The following GABBR2 variants were observed in gnomAD, a reference collection of about 807,000 sequenced individuals.
GABBR2 encodes gamma-aminobutyric acid type B receptor subunit 2, also known as G-protein coupled receptor 51.
In GABBR2, 23 loss-of-function variants were observed where a neutral mutation model predicts 105.6. The observed-to-expected ratio is 0.22, with a 90% confidence interval of 0.16 to 0.31. The LOEUF is 0.31. Ranked by LOEUF, GABBR2 falls within the 10% of genes least tolerant of loss-of-function variation. GABBR2 has a pLI of 1.00. For missense variants in GABBR2, 734 were observed against 1,245.5 expected (o/e 0.59, Z 6.18); for synonymous variants, 478 against 499.7 (o/e 0.96, Z 0.58).
In GABBR2 at chr9:98,314,507, G is replaced by A. The variant is rs568211104; in HGVS notation, c.1894-3302C>T. ...TCTCGGTGTGGAGAAAATTAGTTGT[G>A]TCATACAGCATTGCTCAATGGGATG... On this transcript the variant is annotated intron_variant, in intron 13 of 18. Transcript: ENST00000259455. Among the ~76,000 whole-genome samples the A allele has an allele frequency of 2.6e-5, 4 of 152,216 alleles. No homozygotes were observed. In the South Asian group the frequency reaches 6.2e-4, roughly 24 times the overall value.
intron 7 of GABBR2, among the ~76,000 whole-genome samples, chr9:98,406,405 T>C (rs1189808227): frequency 6.6e-6 from 1 of 152,262 alleles, no homozygotes; most frequent in Non-Finnish European, 1.5e-5. Context: ...ATCATCATGA[T>C]CACCATGACT....
chr9:98,607,038 A>C (rs1244145809), intron 1 of GABBR2: 3 of 1,272,658 alleles, frequency 2.4e-6, no homozygotes, highest in East Asian at 2.3e-5. Flanking sequence ...GGGATTTGCC[A>C]ATCTCCCAAA....
At chr9:98,389,563 ACT>A (rs1450055541) in intron 9 of GABBR2, among the ~76,000 whole-genome samples, 3 of 152,100 alleles carry the variant, frequency 2.0e-5, no homozygotes, top group Non-Finnish European at 4.4e-5. Context: ...TTTCCACAAG[ACT>A]CTGAGTAACT....
intron 1 of GABBR2, among the ~76,000 whole-genome samples, chr9:98,653,523 C>T (rs939148352): frequency 2.0e-5 from 3 of 152,212 alleles, no homozygotes; most frequent in Admixed American, 2.0e-4. Context: ...AATGTAACCT[C>T]CATGATTCCT....
chr9:98,639,925 C>T (rs1196064216), intron 1 of GABBR2, among the ~76,000 whole-genome samples: 2 of 152,278 alleles, frequency 1.3e-5, no homozygotes, highest in East Asian at 3.9e-4. Context: ...GAGAAAGAGA[C>T]AGCATAGTGG....
intron 7 of GABBR2, among the ~76,000 whole-genome samples, chr9:98,432,568 C>T (rs943930457): frequency 6.6e-6 from 1 of 152,224 alleles, no homozygotes; most frequent in African/African-American, 2.4e-5. Context: ...TGACAAGCTA[C>T]ACAACCCATT....
At chr9:98,365,219 A>G (rs1214400817) in intron 12 of GABBR2, among the ~76,000 whole-genome samples, 1 of 152,264 alleles carries the variant, frequency 6.6e-6, no homozygotes, top group Non-Finnish European at 1.5e-5. Flanking sequence ...AAGTGTGGTC[A>G]GTGATCCTTA....
chr9:98,652,971 T>G (rs1323360501), intron 1 of GABBR2, among the ~76,000 whole-genome samples: 8 of 152,206 alleles, frequency 5.3e-5, no homozygotes, highest in Admixed American at 5.2e-4. Flanking sequence ...CAGCCATGTG[T>G]TTTGGCTACA....
At chr9:98,448,801 A>T (rs957422125) in intron 7 of GABBR2, among the ~76,000 whole-genome samples, 5 of 152,218 alleles carry the variant, frequency 3.3e-5, no homozygotes, top group African/African-American at 1.2e-4. Flanking sequence ...TACATTTACC[A>T]AACAGGGTAT....
chr9:98,476,388 CTT>C (rs1369954764), intron 5 of GABBR2, among the ~76,000 whole-genome samples: 1 of 152,190 alleles, frequency 6.6e-6, no homozygotes, highest in Non-Finnish European at 1.5e-5. Context: ...TAGCTTCTGA[CTT>C]TTTGGGGAAA....
chr9:98,553,596 G>C (rs926876063), intron 2 of GABBR2, among the ~76,000 whole-genome samples: 5 of 151,876 alleles, frequency 3.3e-5, no homozygotes, highest in South Asian at 2.1e-4. Context: ...TTCTCAAAAA[G>C]AGGAAAAAAA....
intron 11 of GABBR2, among the ~76,000 whole-genome samples, chr9:98,373,720 A>C (rs1335385480): frequency 6.6e-6 from 1 of 152,198 alleles, no homozygotes; most frequent in Non-Finnish European, 1.5e-5. Flanking sequence ...TTAATTTTAC[A>C]AATGACCATA....
intron 1 of GABBR2, among the ~76,000 whole-genome samples, chr9:98,611,454 CGAGG>C (rs1311963608): frequency 1.8e-5 from 2 of 113,104 alleles, no homozygotes; most frequent in Non-Finnish European, 3.8e-5. Context: ...CAAGTGCACC[CGAGG>C]AATGAATGAA....
intron 1 of GABBR2, among the ~76,000 whole-genome samples, chr9:98,677,874 C>A (rs1217876650): frequency 6.6e-6 from 1 of 152,204 alleles, no homozygotes; most frequent in Non-Finnish European, 1.5e-5. Flanking sequence ...CTTCTCTGGA[C>A]ACCAGTTTCA....
intron 1 of GABBR2, among the ~76,000 whole-genome samples, chr9:98,666,240 C>A (rs930885733): frequency 2.0e-5 from 3 of 152,152 alleles, no homozygotes; most frequent in African/African-American, 7.2e-5. Flanking sequence ...AGGAACCTAA[C>A]GAACCCAAAG....
At chr9:98,530,964 G>C (rs988358353) in intron 3 of GABBR2, among the ~76,000 whole-genome samples, 5 of 152,278 alleles carry the variant, frequency 3.3e-5, no homozygotes, top group African/African-American at 1.2e-4. Flanking sequence ...TGCCCTGGGA[G>C]CCTGGCCCGG....
Position 98,362,808 on chromosome 9 carries a change from G to A in GABBR2, c.1800C>T (p.Ile600=), listed in dbSNP as rs1242527608. Residue 600 remains isoleucine, a synonymous_variant, in exon 13 of 19, where the codon ATC becomes ATT. Transcript: ENST00000259455. ...KIIKDQKLLV[I]VGGMLLIDLC... ...GGTCGATCAGCAGCATGCCCCCCAC[G>A]ATCACAAGCAGTTTCTGGTCCTTGA... 18 of 1,595,054 alleles carry A rather than the reference G, an allele frequency of 1.1e-5. No homozygotes were observed. Among genetic ancestry groups the A allele is most frequent in the Middle Eastern group, 1.7e-4 (1 of 5,980 alleles).
chr9:98,356,469 C>T (rs1052782152), intron 13 of GABBR2, among the ~76,000 whole-genome samples: 1 of 152,200 alleles, frequency 6.6e-6, no homozygotes, highest in African/African-American at 2.4e-5. Flanking sequence ...GATACAAGCA[C>T]ACACCTATTA....
chr9:98,568,808 G>A (rs1167954977), intron 2 of GABBR2, among the ~76,000 whole-genome samples: 1 of 152,088 alleles, frequency 6.6e-6, no homozygotes, highest in South Asian at 2.1e-4. Flanking sequence ...TCTACCAATT[G>A]TATCCAAACA....
Sources: allele counts gnomAD v4.1 joint callset (sites outside exome capture counted in the v4.1 genomes callset), GRCh38; gene constraint gnomAD v4.1.1; transcripts MANE v1.5; gene names NCBI Gene and HGNC (gene_info 2026-07-23, HGNC 2026-07-21).